Variants in ITM2B observed in about 807,000 individuals in gnomAD.
ITM2B encodes ABri/ADan amyloid peptide.
In ITM2B, 11 loss-of-function variants were observed where a neutral mutation model predicts 27.8. The observed-to-expected ratio is 0.40, with a 90% CI of 0.25 to 0.66. ITM2B has a LOEUF of 0.66. Among genes scored for constraint, ITM2B ranks in the 30% least tolerant of loss-of-function variants. ITM2B has a pLI of 0.43. For missense variants in ITM2B, 296 were observed against 328.9 expected (o/e 0.90, Z 0.77); for synonymous variants, 114 against 114.3 (o/e 1.00, Z 0.02).
rs79550880 is a variant in ITM2B, at chr13:48,242,490, G to A, written c.117+9013G>A. Among the ~76,000 whole-genome samples the A allele has an allele frequency of 8.2e-4, 124 of 151,936 alleles. 1 individual carries two copies. In the East Asian group the frequency reaches 0.016, roughly 19 times the overall value. On this transcript the variant is annotated intron_variant, in intron 1 of 5. Coordinates refer to ENST00000647800, the MANE Select transcript of ITM2B (RefSeq NM_021999.5). ...TTGCACTCATACAAATGTCCTGAGAGTCATAATCATCTTGGAAGAATTGCC... is the reference window on the plus strand; with the variant it reads ...TTGCACTCATACAAATGTCCTGAGAATCATAATCATCTTGGAAGAATTGCC...
chr13:48,258,042 A>G, intron 3 of ITM2B, 84 bp from the exon 4 acceptor site: 3 of 756,544 alleles, frequency 4.0e-6, no homozygotes, highest in Non-Finnish European at 7.3e-6. Flanking sequence ...ATTCATTTTA[A>G]TGATACAAAT....
At chr13:48,239,296 T>C (rs987273109) in intron 1 of ITM2B, among the ~76,000 whole-genome samples, 1 of 152,182 alleles carries the variant, frequency 6.6e-6, no homozygotes, top group African/African-American at 2.4e-5. Context: ...CTGAAGCAGA[T>C]GAATTGTTGA....
In ITM2B at chr13:48,266,087, AC is replaced by A. The variant is rs1320482099; in HGVS notation, c.*4865del. The A allele has an allele frequency of 6.6e-6, 1 of 152,126 alleles. No individual in the cohort carries two copies. The highest frequency in any genetic ancestry group is 2.4e-5 in the African/African-American group (1 of 41,414). 9.4% of individuals were successfully genotyped at this position (152,126 alleles called of 1,614,324 possible). A position where few individuals can be genotyped will look rare whatever the true frequency, so the allele number is the denominator to read the frequency against. On this transcript the variant is annotated 3_prime_UTR_variant, in exon 6 of 6. Coordinates refer to ENST00000647800, the MANE Select transcript of ITM2B (RefSeq NM_021999.5). ...TTTATTCTGGGTATTATATTTCCCA[AC>A]CAGTTGTCTGACTTTCTCCTCAGAT...
rs146553069 is a variant in ITM2B, at chr13:48,261,200, C to G, written c.777C>G (p.Ala259=). Residue 259 remains alanine, a synonymous_variant, in exon 6 of 6, where the codon GCC becomes GCG. Transcript: ENST00000647800. ...FAIRHFENKF[A]VETLICS ...TTCGGCATTTTGAAAACAAATTTGC[C>G]GTGGAAACTTTAATTTGTTCTTGAA... is the stretch of plus-strand genomic sequence containing the variant. 9.3e-6 allele frequency: 15 copies of G among 1,611,492 alleles called. No individual in the cohort carries two copies. Among genetic ancestry groups the G allele is most frequent in the Non-Finnish European group, 1.3e-5 (15 of 1,178,262 alleles).
At chr13:48,235,394 G>A (rs1443080883) in intron 1 of ITM2B, among the ~76,000 whole-genome samples, 1 of 152,212 alleles carries the variant, frequency 6.6e-6, no homozygotes, top group Non-Finnish European at 1.5e-5. Context: ...GGACTAAAGA[G>A]TGAGGGCCAG....
Position 48,253,942 on chromosome 13 carries a change from T to C in ITM2B, c.246+6T>C. On this transcript the variant is annotated splice_donor_region_variant and intron_variant, in intron 2 of 5. Transcript: ENST00000647800. ...ACAAATATTTTGCACTTCAAGTAAG[T>C]GGAAAAATTATTTTGTGTCTCTGAT... 1 of 1,611,772 alleles carries C rather than the reference T, an allele frequency of 6.2e-7. No homozygotes were observed. The highest frequency in any genetic ancestry group is 1.1e-5 in the South Asian group (1 of 90,856).
chr13:48,234,957 G>A (rs1951658674), intron 1 of ITM2B, among the ~76,000 whole-genome samples: 1 of 152,172 alleles, frequency 6.6e-6, no homozygotes, highest in Non-Finnish European at 1.5e-5. Context: ...AAAATAGATT[G>A]AGAGTCAAGT....
In ITM2B at chr13:48,256,347, T is replaced by C. The variant is rs754657407; in HGVS notation, c.417T>C (p.Asp139=). ...GTGTGCCTGTCCCAGAGTTTGCAGA[T>C]AGTGATCCTGCCAACATTGTTCATG... ...FISVPVPEFA[D]SDPANIVHDF... The change falls in exon 3 of 6, where the codon GAT becomes GAC. Residue 139 remains aspartate (D), a synonymous_variant. Transcript: ENST00000647800. 2.4e-5 allele frequency: 38 copies of C among 1,613,856 alleles called. No homozygotes were observed. The highest frequency in any genetic ancestry group is 3.1e-5 in the Non-Finnish European group (37 of 1,179,872).
intron 1 of ITM2B, among the ~76,000 whole-genome samples, chr13:48,235,337 A>G (rs570112563): frequency 2.0e-5 from 3 of 152,256 alleles, no homozygotes; most frequent in East Asian, 3.9e-4. Flanking sequence ...TTTGTTTTCC[A>G]TTTTTTATTT....
In ITM2B at chr13:48,269,496, T is replaced by G. The variant is rs1439595768; in HGVS notation, c.*8272T>G. 6.6e-6 allele frequency: 1 copy of G among 152,282 alleles called. No homozygotes were observed. Among genetic ancestry groups the G allele is most frequent in the Non-Finnish European group, 1.5e-5 (1 of 68,074 alleles). The allele number at this position is 152,282 out of a possible 1,614,324, so 9.4% of individuals were successfully genotyped here. On this transcript the variant is annotated 3_prime_UTR_variant, in exon 6 of 6. Transcript: ENST00000647800. ...AATAAAAGTCGAACAATGCCCTACCTGTAGGTAATCTAGGCCTCCAAAGCT... is the reference window on the plus strand; with the variant it reads ...AATAAAAGTCGAACAATGCCCTACCGGTAGGTAATCTAGGCCTCCAAAGCT...
intron 1 of ITM2B, among the ~76,000 whole-genome samples, chr13:48,244,881 G>A (rs188475823): frequency 4.2e-4 from 64 of 152,240 alleles, no homozygotes; most frequent in African/African-American, 1.5e-3. Flanking sequence ...ATTTATCCCG[G>A]TAAAGGATAT....
rs767098728 is a variant in ITM2B at position 48,263,979 on chromosome 13, AAGAT to A, written c.*2758_*2761del. On this transcript the variant is annotated 3_prime_UTR_variant, in exon 6 of 6. Transcript: ENST00000647800. ...TGTGTGTGTATTTATTTATTTATCT[AAGAT>A]AGCTCTAGTTTGCTGCTTTGCAACA... 5.3e-5 allele frequency: 8 copies of A among 152,086 alleles called. No individual in the cohort carries two copies. The highest frequency in any genetic ancestry group is 1.2e-4 in the Non-Finnish European group (8 of 68,020). 9.4% of individuals were successfully genotyped at this position (152,086 alleles called of 1,614,324 possible).
chr13:48,262,319 A>G lies in ITM2B; in HGVS notation c.*1095A>G, dbSNP rs1951827536. 1 of 152,128 alleles carries G rather than the reference A, an allele frequency of 6.6e-6. No homozygotes were observed. Among genetic ancestry groups the G allele is most frequent in the East Asian group, 1.9e-4 (1 of 5,204 alleles). 9.4% of individuals were successfully genotyped at this position (152,128 alleles called of 1,614,324 possible). On this transcript the variant is annotated 3_prime_UTR_variant, in exon 6 of 6. Coordinates refer to ENST00000647800, the MANE Select transcript of ITM2B (RefSeq NM_021999.5). Reference sequence around the variant, plus strand: ...TAATAAAATACCTATGATTCATTTCACCTCAAGTTCCTAAGACAAAAAATT... The same window carrying G: ...TAATAAAATACCTATGATTCATTTCGCCTCAAGTTCCTAAGACAAAAAATT...
chr13:48,262,620 A>G lies in ITM2B; in HGVS notation c.*1396A>G, dbSNP rs1951829161. 6.6e-6 allele frequency: 1 copy of G among 152,138 alleles called. No individual in the cohort carries two copies. The highest frequency in any genetic ancestry group is 2.4e-5 in the African/African-American group (1 of 41,448). 9.4% of individuals were successfully genotyped at this position (152,138 alleles called of 1,614,324 possible). On this transcript the variant is annotated 3_prime_UTR_variant, in exon 6 of 6. Transcript: ENST00000647800. ...GGGAGCTGTGAACATTTAGGAGCAC[A>G]TTATTCATTCAGCATCTTTTATATG...
At chr13:48,247,492 G>A (rs748298283) in intron 1 of ITM2B, among the ~76,000 whole-genome samples, 2 of 152,116 alleles carry the variant, frequency 1.3e-5, no homozygotes, top group Non-Finnish European at 2.9e-5. Context: ...TCTCTTAAAA[G>A]CTTCAGTCAT....
At position 48,233,865 on chromosome 13, in the gene ITM2B, T is replaced by C. The variant is rs114749842; in HGVS notation, c.117+388T>C. 8.2e-3 allele frequency among the ~76,000 whole-genome samples: 1,254 copies of C among 152,278 alleles called. 21 individuals carry two copies. The highest frequency in any genetic ancestry group is 0.029 in the African/African-American group (1,201 of 41,560). On this transcript the variant is annotated intron_variant, in intron 1 of 5. Coordinates refer to ENST00000647800, the MANE Select transcript of ITM2B (RefSeq NM_021999.5). ...GGCACTTCCTTCCCAGTATAAATAA[T>C]GTACCTAAAATGGCTGACATCATTA...
At position 48,258,645 on chromosome 13, in the gene ITM2B, G is replaced by A; in HGVS notation, c.565-152G>A. The A allele has an allele frequency of 6.9e-6, 5 of 727,708 alleles. No homozygotes were observed. In the South Asian group the frequency reaches 7.9e-5, roughly 11 times the overall value. 45.1% of individuals were successfully genotyped at this position (727,708 alleles called of 1,614,324 possible). A position where few individuals can be genotyped will look rare whatever the true frequency, so the allele number is the denominator to read the frequency against. ...AGGCCAGGAATTTGAGACCAGCCTGGACAACATAGTGAGAACATAAACAAA... is the reference window on the plus strand; with the variant it reads ...AGGCCAGGAATTTGAGACCAGCCTGAACAACATAGTGAGAACATAAACAAA... On this transcript the variant is annotated intron_variant, in intron 4 of 5. Coordinates refer to ENST00000647800, the MANE Select transcript of ITM2B (RefSeq NM_021999.5).
chr13:48,234,338 AAT>A (rs968541223), intron 1 of ITM2B, among the ~76,000 whole-genome samples: 2 of 152,070 alleles, frequency 1.3e-5, no homozygotes, highest in Non-Finnish European at 2.9e-5. Context: ...TATTTACTTA[AAT>A]ATGAGTGTAA....
In ITM2B at chr13:48,251,993, T is replaced by G. The variant is rs1483765227; in HGVS notation, c.118-1815T>G. On this transcript the variant is annotated intron_variant, in intron 1 of 5. Coordinates refer to ENST00000647800, the MANE Select transcript of ITM2B (RefSeq NM_021999.5). ...CAGACTTATTCTCATTACATACTTT[T>G]CTTCCTTGCAATACGCTCATTGTCT... Among the ~76,000 whole-genome samples, 3 of 152,244 alleles carry G rather than the reference T, an allele frequency of 2.0e-5. No individual in the cohort carries two copies. In the South Asian group the frequency reaches 6.2e-4, roughly 31 times the overall value.
Sources: allele counts gnomAD v4.1 joint callset (sites outside exome capture counted in the v4.1 genomes callset), GRCh38; gene constraint gnomAD v4.1.1; transcripts MANE v1.5; gene names NCBI Gene and HGNC (gene_info 2026-07-23, HGNC 2026-07-21).